The following INSC variants were observed in gnomAD, a reference collection of about 807,000 sequenced individuals.
INSC encodes the protein protein inscuteable homolog.
INSC carries 67 observed loss-of-function variants against 58.6 expected under a neutral mutation model. That is an observed-to-expected ratio of 1.14 (90% CI 0.94 to 1.40). The LOEUF (loss-of-function observed/expected upper bound fraction) is 1.40. Ranked by LOEUF, INSC falls within the 40% of genes most tolerant of loss-of-function variation. The pLI is 0.00. For synonymous variants in INSC, 262 were observed against 276.1 expected (o/e 0.95, Z 0.51); for missense variants, 714 against 692.0 (o/e 1.03, Z -0.36).
At chr11:15,180,391 G>A (rs1340598828) in intron 5 of INSC, among the ~76,000 whole-genome samples, 3 of 152,198 alleles carry the variant, frequency 2.0e-5, no homozygotes, top group Non-Finnish European at 2.9e-5. Flanking sequence ...CAAAGAGGCA[G>A]GGTATCTTTG....
At chr11:15,267,476 T>C in the INSC span, among the ~76,000 whole-genome samples, 3 of 151,978 alleles carry the variant, frequency 2.0e-5, no homozygotes, top group Non-Finnish European at 4.4e-5. Context: ...TATATTGCTA[T>C]GTCTTCAGGT....
chr11:15,235,235 A>T, intron 9 of INSC: 1 of 318,754 alleles, frequency 3.1e-6, no homozygotes, highest in South Asian at 3.4e-5. Flanking sequence ...AAGCCAGCAC[A>T]GAGGAGTTTC....
intron 11 of INSC, 80 bp from the exon 12 acceptor site, chr11:15,240,367 G>A (rs1351002523): frequency 8.1e-7 from 1 of 1,237,812 alleles, no homozygotes; most frequent in East Asian, 2.4e-5. Flanking sequence ...GATTGGGTGT[G>A]CAAGGGAGGC....
At chr11:15,201,923 C>A (rs1540156) in intron 7 of INSC, among the ~76,000 whole-genome samples, 1 of 151,994 alleles carries the variant, frequency 6.6e-6, no homozygotes, top group Non-Finnish European at 1.5e-5. Context: ...CCACCCTACC[C>A]TCAGCTTCTT....
the INSC span, among the ~76,000 whole-genome samples, chr11:15,263,401 A>G: frequency 6.6e-6 from 1 of 152,144 alleles, no homozygotes; most frequent in African/African-American, 2.4e-5. Context: ...GGATAAATAA[A>G]AAGAAATCCA....
intron 2 of INSC, among the ~76,000 whole-genome samples, chr11:15,160,481 G>A (rs1378371792): frequency 2.0e-5 from 3 of 152,182 alleles, no homozygotes; most frequent in Non-Finnish European, 2.9e-5. Context: ...GGAGTGGGAG[G>A]AGGGCACAGG....
chr11:15,126,804 G>A (rs1423007096), intron 1 of INSC, among the ~76,000 whole-genome samples: 3 of 152,292 alleles, frequency 2.0e-5, no homozygotes, highest in Non-Finnish European at 2.9e-5. Flanking sequence ...CTACCTGACC[G>A]CCAGGACCAA....
intron 1 of INSC, among the ~76,000 whole-genome samples, chr11:15,116,878 C>CCTCCCT (rs1564853801): frequency 1.3e-4 from 1 of 7,414 alleles, no homozygotes; most frequent in African/African-American, 6.5e-4. Flanking sequence ...TCTCTCTCTC[C>CCTCCCT]CCCTCCCTCC....
At chr11:15,207,624 G>A (rs906457499) in intron 7 of INSC, among the ~76,000 whole-genome samples, 1 of 152,192 alleles carries the variant, frequency 6.6e-6, no homozygotes, top group Non-Finnish European at 1.5e-5. Flanking sequence ...GAGGCCCTGG[G>A]CAGGAGGGAG....
At chr11:15,266,097 T>C in the INSC span, among the ~76,000 whole-genome samples, 3 of 151,950 alleles carry the variant, frequency 2.0e-5, no homozygotes, top group Admixed American at 2.0e-4. Flanking sequence ...GAATATAGGA[T>C]TGAAATCTCA....
Position 15,217,552 on chromosome 11 carries a change from G to A in INSC, c.820-3925G>A, listed in dbSNP as rs867625444. On this transcript the variant is annotated intron_variant, in intron 7 of 12. Transcript: ENST00000379556. ...CAGAACCCAGTGGTGTGGGGCGCTT[G>A]AGTGGCCTCATACTATGGTGAGCTG... Among the ~76,000 whole-genome samples the A allele has an allele frequency of 3.9e-5, 6 of 152,248 alleles. No individual in the cohort carries two copies. The South Asian group carries it at 6.2e-4, about 16-fold the overall frequency.
the INSC span, among the ~76,000 whole-genome samples, chr11:15,263,723 T>C: frequency 5.0e-4 from 76 of 152,262 alleles, no homozygotes; most frequent in Non-Finnish European, 9.4e-4. Flanking sequence ...TTCACAAAGC[T>C]GAAATCAAGC....
At chr11:15,180,593 G>T (rs1343857489) in intron 5 of INSC, among the ~76,000 whole-genome samples, 1 of 148,334 alleles carries the variant, frequency 6.7e-6, no homozygotes, top group African/African-American at 2.5e-5. Context: ...TGACCACCTG[G>T]TTCATTGATG....
At chr11:15,119,104 A>C (rs1432770496) in intron 1 of INSC, among the ~76,000 whole-genome samples, 1 of 152,212 alleles carries the variant, frequency 6.6e-6, no homozygotes, top group Non-Finnish European at 1.5e-5. Context: ...AAGCAGAAAA[A>C]ACTACTCCTT....
chr11:15,182,005 T>A (rs1590410524), intron 5 of INSC, among the ~76,000 whole-genome samples: 1 of 152,124 alleles, frequency 6.6e-6, no homozygotes, highest in Non-Finnish European at 1.5e-5. Flanking sequence ...TTCCAGTGTG[T>A]GGGGAGTTGG....
chr11:15,239,454 C>T (rs1183022743), intron 11 of INSC, among the ~76,000 whole-genome samples: 2 of 152,166 alleles, frequency 1.3e-5, no homozygotes, highest in Non-Finnish European at 2.9e-5. Context: ...TTCATTTATT[C>T]ATTAACCCAT....
At chr11:15,178,842 C>CA (rs1162379329) in intron 5 of INSC, among the ~76,000 whole-genome samples, 1 of 152,180 alleles carries the variant, frequency 6.6e-6, no homozygotes, top group Admixed American at 6.5e-5. Context: ...CTGGGTAGAA[C>CA]ACTGTCAGGC....
At chr11:15,219,357 G>A (rs989306098) in intron 7 of INSC, among the ~76,000 whole-genome samples, 12 of 152,148 alleles carry the variant, frequency 7.9e-5, no homozygotes, top group Non-Finnish European at 1.8e-4. Flanking sequence ...TTAAGTCAGG[G>A]TAGCCTCCAG....
chr11:15,237,983 G>A (rs1348157815), intron 10 of INSC, among the ~76,000 whole-genome samples: 1 of 152,100 alleles, frequency 6.6e-6, no homozygotes, highest in East Asian at 1.9e-4. Context: ...GGTCATGTCT[G>A]GCTTAAGTTC....
Sources: allele counts gnomAD v4.1 joint callset (sites outside exome capture counted in the v4.1 genomes callset), GRCh38; gene constraint gnomAD v4.1.1; transcripts MANE v1.5; gene names NCBI Gene and HGNC (gene_info 2026-07-23, HGNC 2026-07-21).